CELSR1: variants seen among roughly 807,000 people sequenced by gnomAD.
CELSR1 encodes adhesion G protein-coupled receptor C1.
A neutral mutation model predicts 249.1 loss-of-function variants in CELSR1; 110 were observed. That is an observed-to-expected ratio of 0.44 (90% CI 0.38 to 0.52). The LOEUF (loss-of-function observed/expected upper bound fraction) is 0.52, where lower values mean the gene tolerates loss of function less well. CELSR1 is among the 20% of genes least tolerant of loss of function. CELSR1 has a pLI of 0.00. For synonymous variants in CELSR1, 2,113 were observed against 1,900.0 expected (o/e 1.11, Z -2.92); for missense variants, 4,109 against 4,296.4 (o/e 0.96, Z 1.22).
chr22:46,377,060 C>T lies in CELSR1; in HGVS notation c.7584+1G>A. On this transcript the variant is annotated splice_donor_variant, in intron 24 of 34. Coordinates refer to ENST00000674500, the MANE Select transcript of CELSR1 (RefSeq NM_001378328.1). LOFTEE classifies it high-confidence loss of function. ...TGGGGAGGGGAGCAGAGTGGCCATA[C>T]CGGGTTTTCCGTCTGGTTGATCCCA... 2.5e-6 allele frequency: 4 copies of T among 1,612,776 alleles called. No individual in the cohort carries two copies. The highest frequency in any genetic ancestry group is 3.4e-6 in the Non-Finnish European group (4 of 1,179,816).
intron 1 of CELSR1, among the ~76,000 whole-genome samples, chr22:46,502,713 G>C (rs527496196): frequency 6.6e-6 from 1 of 152,284 alleles, no homozygotes; most frequent in East Asian, 1.9e-4. Context: ...CAGAAGCTGA[G>C]TGACAAACCT....
intron 5 of CELSR1, among the ~76,000 whole-genome samples, chr22:46,414,263 C>A (rs886553215): frequency 6.6e-6 from 1 of 152,170 alleles, no homozygotes; most frequent in Non-Finnish European, 1.5e-5. Context: ...TTCTGACTCC[C>A]AGAGACACCC....
Position 46,454,492 on chromosome 22 carries a change from C to A in CELSR1, c.4183+9215G>T, listed in dbSNP as rs1253477216. On this transcript the variant is annotated intron_variant, in intron 2 of 34. Transcript: ENST00000674500. The surrounding 1 kb of genome is among the most constrained non-coding windows in gnomAD (Gnocchi z 5.1). ...GCAGCCTTGTCTCCCCTCAACAGCA[C>A]AGACTTCGAAGTCACGGGGAACGGC... Among the ~76,000 whole-genome samples, 1 of 152,210 alleles carries A rather than the reference C, an allele frequency of 6.6e-6. No individual in the cohort carries two copies. Among genetic ancestry groups the A allele is most frequent in the Non-Finnish European group, 1.5e-5 (1 of 68,024 alleles).
At chr22:46,510,547 C>T (rs934008884) in intron 1 of CELSR1, among the ~76,000 whole-genome samples, 10 of 152,208 alleles carry the variant, frequency 6.6e-5, no homozygotes, top group African/African-American at 1.9e-4. Flanking sequence ...ACAGGAGAGG[C>T]GCTGCGGTAA....
rs1473558087 is a variant in CELSR1, at chr22:46,430,901, G to A, written c.4611+2492C>T. On this transcript the variant is annotated intron_variant, in intron 5 of 34. Coordinates refer to ENST00000674500, the MANE Select transcript of CELSR1 (RefSeq NM_001378328.1). The surrounding 1 kb of genome is among the most constrained non-coding windows in gnomAD (Gnocchi z 4.6). ...AGTACTGTCTCCTTCTCGGGCTGGT[G>A]CTCATAATCTCTGCTAACACATCCT... Among the ~76,000 whole-genome samples the A allele has an allele frequency of 6.6e-6, 1 of 152,206 alleles. No individual in the cohort carries two copies. The highest frequency in any genetic ancestry group is 2.4e-5 in the African/African-American group (1 of 41,444).
At chr22:46,514,604 A>G (rs1427698584) in intron 1 of CELSR1, among the ~76,000 whole-genome samples, 8 of 152,144 alleles carry the variant, frequency 5.3e-5, no homozygotes, top group African/African-American at 1.9e-4. Flanking sequence ...GGATAATGCA[A>G]TGGCCCCTCT....
At chr22:46,375,774 ACCTCAAGT>A (rs1481020432) in intron 24 of CELSR1, among the ~76,000 whole-genome samples, 1 of 151,692 alleles carries the variant, frequency 6.6e-6, no homozygotes, top group African/African-American at 2.4e-5. Context: ...GAACTCCTTG[ACCTCAAGT>A]GATCTGCCTG....
rs1035290522 is a variant in CELSR1 at position 46,500,822 on chromosome 22, G to A, written c.3544+32805C>T. Among the ~76,000 whole-genome samples the A allele has an allele frequency of 3.3e-5, 5 of 152,066 alleles. No homozygotes were observed. The South Asian group carries it at 6.2e-4, about 19-fold the overall frequency. On this transcript the variant is annotated intron_variant, in intron 1 of 34. Coordinates refer to ENST00000674500, the MANE Select transcript of CELSR1 (RefSeq NM_001378328.1). The surrounding 1 kb of genome is among the most constrained non-coding windows in gnomAD (Gnocchi z 4.9). ...GCAGCAGGTCAGGCCACTACATTGCGTCTCTCAGGCTCAGAACATCCCCCA... is the reference window on the plus strand; with the variant it reads ...GCAGCAGGTCAGGCCACTACATTGCATCTCTCAGGCTCAGAACATCCCCCA...
chr22:46,398,006 C>T lies in CELSR1; in HGVS notation c.5527-158G>A, dbSNP rs1352661430. Among the ~76,000 whole-genome samples, 22 of 152,194 alleles carry T rather than the reference C, an allele frequency of 1.4e-4. No homozygotes were observed. Among genetic ancestry groups the T allele is most frequent in the Admixed American group, 1.4e-3 (21 of 15,292 alleles). On this transcript the variant is annotated intron_variant, in intron 11 of 34. Transcript: ENST00000674500. The surrounding 1 kb of genome is among the most constrained non-coding windows in gnomAD (Gnocchi z 7.2). ...GGGCAGGGTTGTTCCTCTTGCCCCACGGCCTGCTGGCCGGAGTGCAGTGGA... is the reference window on the plus strand; with the variant it reads ...GGGCAGGGTTGTTCCTCTTGCCCCATGGCCTGCTGGCCGGAGTGCAGTGGA...
At chr22:46,466,381 C>T (rs2080096926) in intron 1 of CELSR1, among the ~76,000 whole-genome samples, 1 of 152,228 alleles carries the variant, frequency 6.6e-6, no homozygotes, top group Non-Finnish European at 1.5e-5. Context: ...GCCCAGGCCC[C>T]AAGAGGGCTG....
At chr22:46,532,140 C>T (rs967902359) in intron 1 of CELSR1, among the ~76,000 whole-genome samples, 1 of 152,228 alleles carries the variant, frequency 6.6e-6, no homozygotes, top group Non-Finnish European at 1.5e-5. Flanking sequence ...CATCCCTGCC[C>T]CCAGCATGGA....
rs1228790305 is a variant in CELSR1 at position 46,536,917 on chromosome 22, G to T, written c.254C>A (p.Pro85Gln). The T allele has an allele frequency of 1.7e-6, 2 of 1,182,990 alleles. No homozygotes were observed. The highest frequency in any genetic ancestry group is 2.1e-6 in the Non-Finnish European group (2 of 956,272). The allele number at this position is 1,182,990 out of a possible 1,614,324, so 73.3% of individuals were successfully genotyped here. Reference sequence around the variant, plus strand: ...CACCAAGCGGACTTGCAGCGGCAGCGGGCGCCCCGCGCCCGAGACGCGCCG... The same window carrying T: ...CACCAAGCGGACTTGCAGCGGCAGCTGGCGCCCCGCGCCCGAGACGCGCCG... ...GRRRVSGAGR[P>Q]LPLQVRLVAR... Residue 85 changes from proline to glutamine, a missense_variant, in exon 1 of 35, where the codon CCG becomes CAG. This residue lies in a region of CELSR1 where 673 missense variants were observed against 636.8 expected (regional missense o/e 1.06). Coordinates refer to ENST00000674500, the MANE Select transcript of CELSR1 (RefSeq NM_001378328.1).
rs2079714157 is a variant in CELSR1 at position 46,439,422 on chromosome 22, A to G, written c.4184-11T>C. 2 of 1,605,746 alleles carry G rather than the reference A, an allele frequency of 1.2e-6. No individual in the cohort carries two copies. The highest frequency in any genetic ancestry group is 1.1e-5 in the South Asian group (1 of 90,320). ...CCTCACAGTGCTCTCCTGGGGGGCG[A>G]GAGGAAGATGCCAGAGAGGAGGTTA... On this transcript the variant is annotated splice_polypyrimidine_tract_variant and intron_variant, in intron 2 of 34. Coordinates refer to ENST00000674500, the MANE Select transcript of CELSR1 (RefSeq NM_001378328.1).
Position 46,433,591 on chromosome 22 carries a change from T to C in CELSR1, c.4523-110A>G. The C allele has an allele frequency of 1.4e-6, 1 of 735,362 alleles. No individual in the cohort carries two copies. The highest frequency in any genetic ancestry group is 2.3e-6 in the Non-Finnish European group (1 of 430,468). The allele number at this position is 735,362 out of a possible 1,614,324, so 45.6% of individuals were successfully genotyped here. A position where few individuals can be genotyped will look rare whatever the true frequency, so the allele number is the denominator to read the frequency against. On this transcript the variant is annotated intron_variant, in intron 4 of 34. Coordinates refer to ENST00000674500, the MANE Select transcript of CELSR1 (RefSeq NM_001378328.1). This position sits in a 1 kb window ranked among gnomAD's most constrained non-coding sequence, Gnocchi z 5.7. ...GGGGAGACAGGTGCACATGGCCACG[T>C]CCTCCCTCCCCTCCCCACGGCACCA... is the stretch of plus-strand genomic sequence containing the variant.
At chr22:46,485,131 T>G (rs2080301340) in intron 1 of CELSR1, among the ~76,000 whole-genome samples, 1 of 151,928 alleles carries the variant, frequency 6.6e-6, no homozygotes. Context: ...ACAGAGAAAG[T>G]GTGTGTGTTA....
chr22:46,443,276 C>T (rs8139194), intron 2 of CELSR1, among the ~76,000 whole-genome samples: 3,336 of 152,272 alleles, frequency 0.022, 119 homozygotes, highest in African/African-American at 0.076. Flanking sequence ...GAGCTGACGC[C>T]GGGTCAGAGC....
At chr22:46,496,500 G>A (rs1174883445) in intron 1 of CELSR1, among the ~76,000 whole-genome samples, 1 of 152,124 alleles carries the variant, frequency 6.6e-6, no homozygotes, top group South Asian at 2.1e-4. Flanking sequence ...CCCAGGAGAC[G>A]GAGGTTGCAG....
In CELSR1 at chr22:46,406,154, C is replaced by T. The variant is rs6007899; in HGVS notation, c.5226+2842G>A. Among the ~76,000 whole-genome samples the T allele has an allele frequency of 6.6e-6, 1 of 152,220 alleles. No homozygotes were observed. The highest frequency in any genetic ancestry group is 1.5e-5 in the Non-Finnish European group (1 of 68,042). On this transcript the variant is annotated intron_variant, in intron 9 of 34. Coordinates refer to ENST00000674500, the MANE Select transcript of CELSR1 (RefSeq NM_001378328.1). This position sits in a 1 kb window ranked among gnomAD's most constrained non-coding sequence, Gnocchi z 5.4. ...GACCCCACTGCCAAATGACAACTTG[C>T]AAGCTCCAGTTCATCACCTGCATCC...
rs952873781 is a variant in CELSR1 at position 46,364,085 on chromosome 22, G to A, written c.8946C>T (p.Ser2982=). The change falls in exon 34 of 35, where the codon AGC becomes AGT. Residue 2982 remains serine (S), a synonymous_variant. Coordinates refer to ENST00000674500, the MANE Select transcript of CELSR1 (RefSeq NM_001378328.1). ...GGPDCAITVK[S]PGREPGRDHL... is the part of the protein sequence containing the mutation. ...GGTCACGCCCCGGCTCCCTCCCAGG[G>A]CTCTTGACTGTGATGGCGCAGTCGG... 10 of 1,612,378 alleles carry A rather than the reference G, an allele frequency of 6.2e-6. No homozygotes were observed. The highest frequency in any genetic ancestry group is 8.5e-6 in the Non-Finnish European group (10 of 1,179,704).
Sources: gnomAD v4.1 joint callset for allele counts (sites outside exome capture counted in the v4.1 genomes callset) on GRCh38, gnomAD v4.1.1 for gene constraint, gnomAD v4.1.1 regional missense constraint, Gnocchi (gnomAD v3.1) non-coding constraint, MANE v1.5 for transcripts, NCBI Gene and HGNC (gene_info 2026-07-23, HGNC 2026-07-21) for gene names.